Variants in MACROD2 observed in about 807,000 individuals in gnomAD.
The protein encoded by MACROD2 is ADP-ribose glycohydrolase MACROD2.
MACROD2 carries 36 observed loss-of-function variants against 70.4 expected under a neutral mutation model. That is an observed-to-expected ratio of 0.51 (90% confidence interval 0.39 to 0.68). The LOEUF (loss-of-function observed/expected upper bound fraction) is 0.68, where lower values mean the gene tolerates loss of function less well. Ranked by LOEUF, MACROD2 falls within the 30% of genes least tolerant of loss-of-function variation. The pLI, the probability that MACROD2 is intolerant of heterozygous loss-of-function variation, is 0.00. For missense variants in MACROD2, 496 were observed against 538.4 expected, an observed-to-expected ratio of 0.92 and a Z score of 0.78; for synonymous variants, 172 against 178.8, an observed-to-expected ratio of 0.96 and a Z score of 0.30.
Position 14,720,536 on chromosome 20 carries a change from C to CTTTTTTTTTTTTTTTT in MACROD2, c.418+35596_418+35611dup, listed in dbSNP as rs753673265. Among the ~76,000 whole-genome samples the CTTTTTTTTTTTTTTTT allele has an allele frequency of 1.2e-3, 43 of 35,946 alleles. 12 individuals carry two copies. The highest frequency in any genetic ancestry group is 1.5e-3 in the Admixed American group (3 of 1,940). The allele number at this position is 35,946 out of a possible 152,430, so 23.6% of individuals were successfully genotyped here. On this transcript the variant is annotated intron_variant, in intron 5 of 17. Coordinates refer to ENST00000684519, the MANE Select transcript of MACROD2 (RefSeq NM_001351661.2). ...GTTTCATTTCCCAGCTGCCCCACAACTTTTTTTTTTTTTTTTTTTTTTTTT... is the reference window on the plus strand; with the variant it reads ...GTTTCATTTCCCAGCTGCCCCACAACTTTTTTTTTTTTTTTTTTTTTTTTTTTTTTTTTTTTTTTTT...
intron 4 of MACROD2, among the ~76,000 whole-genome samples, chr20:14,518,458 G>A (rs1003440809): frequency 6.6e-6 from 1 of 151,964 alleles, no homozygotes; most frequent in Non-Finnish European, 1.5e-5. Flanking sequence ...TTTTCTTTAT[G>A]TGAATGGAAA....
chr20:15,808,257 A>G (rs2063787449), intron 8 of MACROD2, among the ~76,000 whole-genome samples: 1 of 152,136 alleles, frequency 6.6e-6, no homozygotes, highest in Admixed American at 6.5e-5. Flanking sequence ...CCTGCTACAC[A>G]TGGACTGATT....
At position 14,926,097 on chromosome 20, in the gene MACROD2, A is replaced by T. The variant is rs34260983; in HGVS notation, c.418+241138A>T. On this transcript the variant is annotated intron_variant, in intron 5 of 17. Coordinates refer to ENST00000684519, the MANE Select transcript of MACROD2 (RefSeq NM_001351661.2). Reference sequence around the variant, plus strand: ...GGCACCTGGGACAGGTAGCCTCTTGATGGATATTACTTTTCTTTTTCCCAG... The same window carrying T: ...GGCACCTGGGACAGGTAGCCTCTTGTTGGATATTACTTTTCTTTTTCCCAG... Among the ~76,000 whole-genome samples the T allele has an allele frequency of 7.7e-3, 1,178 of 152,282 alleles. 11 individuals carry two copies. Among genetic ancestry groups the T allele is most frequent in the Non-Finnish European group, 0.012 (819 of 68,020 alleles).
chr20:14,314,211 A>G (rs892486335), intron 3 of MACROD2, among the ~76,000 whole-genome samples: 4 of 152,178 alleles, frequency 2.6e-5, no homozygotes, highest in African/African-American at 9.7e-5. Flanking sequence ...AGCAGTTGAC[A>G]TTTCCACTTG....
At chr20:14,200,661 T>C (rs939396657) in intron 3 of MACROD2, among the ~76,000 whole-genome samples, 1 of 152,254 alleles carries the variant, frequency 6.6e-6, no homozygotes, top group Non-Finnish European at 1.5e-5. Flanking sequence ...AGTCCCTTAA[T>C]AGCTTTCTTA....
intron 2 of MACROD2, among the ~76,000 whole-genome samples, chr20:14,058,405 C>T (rs1194938717): frequency 6.6e-6 from 1 of 151,488 alleles, no homozygotes; most frequent in Admixed American, 6.6e-5. Context: ...TACCTCTTCT[C>T]TGTCCTCTGT....
intron 5 of MACROD2, among the ~76,000 whole-genome samples, chr20:14,820,043 C>G (rs1335487104): frequency 6.6e-6 from 1 of 152,052 alleles, no homozygotes; most frequent in Non-Finnish European, 1.5e-5. Flanking sequence ...TCCCGGAGTG[C>G]TGCTGGTGAA....
chr20:14,460,890 G>A (rs2084361021), intron 3 of MACROD2, among the ~76,000 whole-genome samples: 1 of 151,872 alleles, frequency 6.6e-6, no homozygotes, highest in Non-Finnish European at 1.5e-5. Flanking sequence ...TTTTGTCATT[G>A]TTGTGTCTCT....
At position 15,230,077 on chromosome 20, in the gene MACROD2, T is replaced by C. The variant is rs1474260921; in HGVS notation, c.540+16T>C. ...CCGATCAGTTGTAAGTAATTTTATG[T>C]TTTTTATTTCTCACTCTTTTTCAAC... On this transcript the variant is annotated intron_variant, in intron 6 of 17. Coordinates refer to ENST00000684519, the MANE Select transcript of MACROD2 (RefSeq NM_001351661.2). 1.2e-6 allele frequency: 2 copies of C among 1,609,406 alleles called. No homozygotes were observed. Among genetic ancestry groups the C allele is most frequent in the Admixed American group, 3.3e-5 (2 of 59,758 alleles).
intron 5 of MACROD2, among the ~76,000 whole-genome samples, chr20:14,826,374 T>C (rs768383589): frequency 5.0e-4 from 76 of 152,274 alleles, no homozygotes; most frequent in Admixed American, 3.7e-3. Flanking sequence ...ATGTCTCTAA[T>C]ACAAATTCTT....
At chr20:14,596,412 C>CATT (rs1982146771) in intron 4 of MACROD2, among the ~76,000 whole-genome samples, 1 of 143,030 alleles carries the variant, frequency 7.0e-6, no homozygotes, top group Non-Finnish European at 1.5e-5. Context: ...ATTTTTTAAA[C>CATT]ATATATATAT....
chr20:14,164,769 G>C lies in MACROD2; in HGVS notation c.271+79041G>C, dbSNP rs142625935. 2.5e-3 allele frequency among the ~76,000 whole-genome samples: 385 copies of C among 152,204 alleles called. 3 individuals carry two copies. Among genetic ancestry groups the C allele is most frequent in the African/African-American group, 8.8e-3 (365 of 41,528 alleles). ...TTAGATGGCACGCTTACTTACTGGA[G>C]GATGAATCTTCAGGTGGGGTTTGAC... On this transcript the variant is annotated intron_variant, in intron 3 of 17. Coordinates refer to ENST00000684519, the MANE Select transcript of MACROD2 (RefSeq NM_001351661.2).
chr20:15,193,812 A>T (rs150406750), intron 5 of MACROD2, among the ~76,000 whole-genome samples: 1 of 152,148 alleles, frequency 6.6e-6, no homozygotes, highest in African/African-American at 2.4e-5. Flanking sequence ...AGCGGGTGAG[A>T]AAATCTCCAA....
chr20:14,697,924 T>G (rs774644900), intron 5 of MACROD2, among the ~76,000 whole-genome samples: 1 of 152,250 alleles, frequency 6.6e-6, no homozygotes, highest in Non-Finnish European at 1.5e-5. Flanking sequence ...TGTTTAAGAC[T>G]GTACACTTTG....
chr20:15,779,801 A>G (rs2051798770), intron 8 of MACROD2, among the ~76,000 whole-genome samples: 1 of 152,120 alleles, frequency 6.6e-6, no homozygotes, highest in African/African-American at 2.4e-5. Flanking sequence ...CACAACCAAG[A>G]ACCTGCCGCA....
chr20:14,758,599 G>T (rs568806435), intron 5 of MACROD2, among the ~76,000 whole-genome samples: 1 of 152,182 alleles, frequency 6.6e-6, no homozygotes, highest in African/African-American at 2.4e-5. Flanking sequence ...TCCACTGGGG[G>T]ACCCATGCAC....
chr20:14,515,463 A>G (rs7353484), intron 4 of MACROD2, among the ~76,000 whole-genome samples: 1 of 138,822 alleles, frequency 7.2e-6, no homozygotes, highest in African/African-American at 2.9e-5. Context: ...ATACACACAC[A>G]CGCACACACA....
intron 4 of MACROD2, chr20:14,494,228 T>C (rs753913542): frequency 6.6e-6 from 1 of 152,034 alleles, no homozygotes; most frequent in Non-Finnish European, 1.5e-5. Flanking sequence ...AAGGCCCAGA[T>C]GGACATAACT....
chr20:14,919,623 C>T (rs1242997675), intron 5 of MACROD2, among the ~76,000 whole-genome samples: 1 of 152,192 alleles, frequency 6.6e-6, no homozygotes, highest in African/African-American at 2.4e-5. Context: ...TCAAAATCTG[C>T]TTGTTCCTAA....
Sources: allele counts gnomAD v4.1 joint callset (sites outside exome capture counted in the v4.1 genomes callset), GRCh38; gene constraint gnomAD v4.1.1; transcripts MANE v1.5; gene names NCBI Gene and HGNC (gene_info 2026-07-23, HGNC 2026-07-21).